The following RIN2 variants were observed in gnomAD, a reference collection of about 807,000 sequenced individuals.
RIN2 encodes the protein Ras and Rab interactor 2, also known as RAB5 interacting protein 2.
A neutral mutation model predicts 78.0 loss-of-function variants in RIN2; 36 were observed. That is an observed-to-expected ratio of 0.46 (90% CI 0.35 to 0.61). RIN2 has a LOEUF of 0.61. RIN2 is among the 20% of genes least tolerant of loss of function. The pLI is 0.00. For missense variants in RIN2, 1,087 were observed against 1,159.7 expected, an observed-to-expected ratio of 0.94 and a Z score of 0.91; for synonymous variants, 466 against 466.8, an observed-to-expected ratio of 1.00 and a Z score of 0.02.
intron 3 of RIN2, chr20:19,934,527 C>T (rs2040558759): frequency 1.0e-6 from 1 of 985,062 alleles, no homozygotes; most frequent in Non-Finnish European, 1.2e-6. Context: ...CAGCCTCACT[C>T]AGTCCTTTCT....
rs573526249 is a variant in RIN2, at chr20:19,917,598, A to T, written c.58-17501A>T. On this transcript the variant is annotated intron_variant, in intron 3 of 12. Transcript: ENST00000255006. ...AGATTTTTGTTCTGTCTGTGATTCG[A>T]CTATATTATGTAAATCCATACATAA... Among the ~76,000 whole-genome samples, 9 of 152,346 alleles carry T rather than the reference A, an allele frequency of 5.9e-5. No homozygotes were observed. In the South Asian group the frequency reaches 1.9e-3, roughly 32 times the overall value.
chr20:19,982,936 C>T (rs1055393630), intron 9 of RIN2, among the ~76,000 whole-genome samples: 5 of 152,226 alleles, frequency 3.3e-5, no homozygotes, highest in African/African-American at 1.2e-4. Context: ...CTGAGATCCA[C>T]CTGCCAGTGG....
intron 2 of RIN2, among the ~76,000 whole-genome samples, chr20:19,876,929 C>A (rs950434842): frequency 6.7e-6 from 1 of 150,036 alleles, no homozygotes; most frequent in Non-Finnish European, 1.5e-5. Flanking sequence ...AACAAACAAA[C>A]AAAAAAAACA....
At chr20:19,885,469 C>T (rs2123462153) in intron 2 of RIN2, among the ~76,000 whole-genome samples, 1 of 152,182 alleles carries the variant, frequency 6.6e-6, no homozygotes, top group Admixed American at 6.5e-5. Context: ...AGTTCAAGAC[C>T]AGCCTGGCCA....
intron 2 of RIN2, among the ~76,000 whole-genome samples, chr20:19,858,475 A>T (rs930389579): frequency 9.9e-5 from 15 of 152,224 alleles, no homozygotes; most frequent in Non-Finnish European, 1.5e-5. Flanking sequence ...TGCGTCTCTT[A>T]GAGTGTTTGG....
chr20:19,897,818 C>A (rs1206671270), intron 3 of RIN2, among the ~76,000 whole-genome samples: 1 of 151,870 alleles, frequency 6.6e-6, no homozygotes, highest in Non-Finnish European at 1.5e-5. Context: ...CTCAAGCTAT[C>A]TTCCCCCATC....
At chr20:19,980,190 A>AG (rs2042403983) in intron 9 of RIN2, among the ~76,000 whole-genome samples, 1 of 152,146 alleles carries the variant, frequency 6.6e-6, no homozygotes, top group Non-Finnish European at 1.5e-5. Flanking sequence ...GTCCTTGTAG[A>AG]GTTAACAAGA....
At chr20:19,968,261 T>G (rs1044214286) in intron 7 of RIN2, among the ~76,000 whole-genome samples, 4 of 152,204 alleles carry the variant, frequency 2.6e-5, no homozygotes, top group African/African-American at 9.7e-5. Context: ...CCGATGATCT[T>G]TGTCCCCTCC....
intron 1 of RIN2, among the ~76,000 whole-genome samples, chr20:19,771,794 A>G (rs1382912651): frequency 6.6e-6 from 1 of 151,756 alleles, no homozygotes; most frequent in Admixed American, 6.6e-5. Flanking sequence ...TGCTTTCACA[A>G]CCCACTAATG....
chr20:19,841,416 G>T (rs1396260116), intron 2 of RIN2, among the ~76,000 whole-genome samples: 1 of 151,996 alleles, frequency 6.6e-6, no homozygotes, highest in African/African-American at 2.4e-5. Flanking sequence ...AGTAACAAAC[G>T]CAGCCCCATA....
chr20:19,767,004 A>G (rs1222408118), intron 1 of RIN2, among the ~76,000 whole-genome samples: 3 of 152,170 alleles, frequency 2.0e-5, no homozygotes, highest in African/African-American at 7.2e-5. Flanking sequence ...GCCAAGGGAA[A>G]AGTTCTCCTT....
chr20:19,874,361 G>A (rs1015547056), intron 2 of RIN2, among the ~76,000 whole-genome samples: 1 of 152,124 alleles, frequency 6.6e-6, no homozygotes, highest in African/African-American at 2.4e-5. Flanking sequence ...AACCTAAACT[G>A]GTATTTCCCC....
intron 10 of RIN2, among the ~76,000 whole-genome samples, chr20:19,991,504 C>T (rs1377833409): frequency 6.6e-6 from 1 of 152,194 alleles, no homozygotes; most frequent in African/African-American, 2.4e-5. Flanking sequence ...CATCCCCACC[C>T]TCCAGTTATG....
chr20:19,801,398 G>C (rs181220161), intron 2 of RIN2, among the ~76,000 whole-genome samples: 55 of 152,154 alleles, frequency 3.6e-4, no homozygotes, highest in African/African-American at 9.4e-4. Flanking sequence ...TCGGCTCACT[G>C]CAATCTCTGC....
At chr20:19,858,279 A>G (rs1387366829) in intron 2 of RIN2, among the ~76,000 whole-genome samples, 1 of 152,192 alleles carries the variant, frequency 6.6e-6, no homozygotes, top group Non-Finnish European at 1.5e-5. Flanking sequence ...AGGTCAGGCT[A>G]CATCTGAGTG....
intron 2 of RIN2, among the ~76,000 whole-genome samples, chr20:19,834,029 C>A (rs2036331483): frequency 6.6e-6 from 1 of 152,134 alleles, no homozygotes. Context: ...GGCCTGGTAA[C>A]CCACAACTAA....
intron 3 of RIN2, among the ~76,000 whole-genome samples, chr20:19,924,107 C>G (rs1176523976): frequency 8.4e-6 from 1 of 119,004 alleles, no homozygotes; most frequent in African/African-American, 3.2e-5. Context: ...TTCCATACCC[C>G]TACCTTCATT....
At chr20:19,958,301 T>A (rs1425049110) in intron 5 of RIN2, among the ~76,000 whole-genome samples, 1 of 152,266 alleles carries the variant, frequency 6.6e-6, no homozygotes, top group Non-Finnish European at 1.5e-5. Context: ...TCACCTTCTG[T>A]GAAGCCTAAC....
intron 2 of RIN2, among the ~76,000 whole-genome samples, chr20:19,864,733 C>T (rs1486884687): frequency 1.3e-5 from 2 of 152,138 alleles, no homozygotes; most frequent in Non-Finnish European, 2.9e-5. Context: ...CTAAAGAAAT[C>T]CTGCTGAAAT....
Sources: allele counts gnomAD v4.1 joint callset (sites outside exome capture counted in the v4.1 genomes callset), GRCh38; gene constraint gnomAD v4.1.1; transcripts MANE v1.5; gene names NCBI Gene and HGNC (gene_info 2026-07-23, HGNC 2026-07-21).